Variants in SLC11A2 observed in about 807,000 individuals in gnomAD.
SLC11A2 encodes the protein solute carrier family 11 member 2, also known as natural resistance-associated macrophage protein 2.
SLC11A2 carries 38 observed loss-of-function variants against 68.0 expected under a neutral mutation model. That is an observed-to-expected ratio of 0.56 (90% CI 0.43 to 0.73). The LOEUF (loss-of-function observed/expected upper bound fraction) is 0.73. Ranked by LOEUF, SLC11A2 falls within the 30% of genes least tolerant of loss-of-function variation. The pLI is 0.00. For synonymous variants in SLC11A2, 242 were observed against 250.6 expected (o/e 0.97, Z 0.32); for missense variants, 517 against 690.5 (o/e 0.75, Z 2.82).
upstream of SLC11A2, among the ~76,000 whole-genome samples, chr12:51,027,961 C>T (rs561074330): frequency 6.7e-6 from 1 of 149,552 alleles, no homozygotes; most frequent in South Asian, 2.1e-4. Flanking sequence ...GGTTTTCATA[C>T]AGAATTTCTC....
intron 5 of SLC11A2, among the ~76,000 whole-genome samples, chr12:51,004,447 A>C (rs1327881210): frequency 6.6e-6 from 1 of 152,244 alleles, no homozygotes; most frequent in African/African-American, 2.4e-5. Context: ...ATGCAAACTG[A>C]TGGAGTAACA....
chr12:50,959,223 G>A, the SLC11A2 span, among the ~76,000 whole-genome samples: 12 of 151,724 alleles, frequency 7.9e-5, no homozygotes, highest in Admixed American at 5.2e-4. Flanking sequence ...GGGTTCAAGC[G>A]ATTCTCCTGC....
rs1465164637 is a variant in SLC11A2, at chr12:51,003,530, C to G, written c.429+1258G>C. On this transcript the variant is annotated intron_variant, in intron 5 of 15. Coordinates refer to ENST00000262052, the MANE Select transcript of SLC11A2 (RefSeq NM_000617.3). Reference sequence around the variant, plus strand: ...ACTGAACTCTGAACTCCAGCCTGGGCAACAGAGTGAGATTCTGTCTCAAAA... The same window carrying G: ...ACTGAACTCTGAACTCCAGCCTGGGGAACAGAGTGAGATTCTGTCTCAAAA... Among the ~76,000 whole-genome samples the G allele has an allele frequency of 2.0e-5, 3 of 148,218 alleles. No individual in the cohort carries two copies. In the South Asian group the frequency reaches 6.3e-4, roughly 31 times the overall value.
chr12:50,986,231 C>T lies in SLC11A2; in HGVS notation c.*2094G>A. The stretch of plus-strand genomic sequence containing the variant: ...CAATTGTATATCCTTAAACATTCCA[C>T]ATAAACACACTGTCAAAACTCACTG... On this transcript the variant is annotated 3_prime_UTR_variant, in exon 16 of 16. Coordinates refer to ENST00000262052, the MANE Select transcript of SLC11A2 (RefSeq NM_000617.3). 1 of 1,283,506 alleles carries T rather than the reference C, an allele frequency of 7.8e-7. No homozygotes were observed. Among genetic ancestry groups the T allele is most frequent in the Non-Finnish European group, 1.0e-6 (1 of 985,262 alleles). 79.5% of individuals were successfully genotyped at this position (1,283,506 alleles called of 1,614,324 possible).
intron 15 of SLC11A2, among the ~76,000 whole-genome samples, chr12:50,988,925 G>T (rs924930476): frequency 9.9e-5 from 15 of 151,882 alleles, no homozygotes; most frequent in Admixed American, 7.9e-4. Flanking sequence ...TATTTCTCAA[G>T]CTGGTCTGAA....
chr12:51,013,601 G>A (rs899877149), intron 1 of SLC11A2, among the ~76,000 whole-genome samples: 9 of 151,926 alleles, frequency 5.9e-5, no homozygotes, highest in African/African-American at 1.2e-4. Context: ...TCACCTGGGC[G>A]TGGTAGTGCA....
In SLC11A2 at chr12:50,992,806, G is replaced by T. The variant is rs761714409; in HGVS notation, c.1197+4C>A. 1 of 1,612,398 alleles carries T rather than the reference G, an allele frequency of 6.2e-7. No individual in the cohort carries two copies. Among genetic ancestry groups the T allele is most frequent in the African/African-American group, 1.3e-5 (1 of 74,608 alleles). ...ATCTCCCTCTATCCTATACCAGCAC[G>T]TACCTCCATGACAAACTGGCCAGAA... is the stretch of plus-strand genomic sequence containing the variant. On this transcript the variant is annotated splice_donor_region_variant and intron_variant, in intron 12 of 15. Coordinates refer to ENST00000262052, the MANE Select transcript of SLC11A2 (RefSeq NM_000617.3).
At chr12:50,952,864 G>A in the SLC11A2 span, among the ~76,000 whole-genome samples, 1 of 152,118 alleles carries the variant, frequency 6.6e-6, no homozygotes, top group Non-Finnish European at 1.5e-5. Context: ...CCAGTGTTGT[G>A]ACCCTGTGCC....
downstream of SLC11A2, among the ~76,000 whole-genome samples, chr12:50,984,786 C>T (rs11834310): frequency 6.7e-3 from 1,018 of 152,286 alleles, 18 homozygotes; most frequent in African/African-American, 0.023. Context: ...TACCAGTTGG[C>T]AACTTCTGCC....
intron 1 of SLC11A2, among the ~76,000 whole-genome samples, chr12:51,021,342 C>T (rs1327489007): frequency 1.3e-5 from 2 of 151,862 alleles, no homozygotes; most frequent in Non-Finnish European, 2.9e-5. Context: ...ACCACAATTT[C>T]GGGCCAGGCG....
In SLC11A2 at chr12:51,022,019, G is replaced by C. The variant is rs562796067; in HGVS notation, c.-39+4291C>G. On this transcript the variant is annotated intron_variant, in intron 1 of 15. Transcript: ENST00000262052. ...ACCTTCTCCCATCAGCACTCTTGAG[G>C]CTTAACCAGCTTCCAAATCTCCCTG... 1.3e-4 allele frequency among the ~76,000 whole-genome samples: 20 copies of C among 152,218 alleles called. 2 individuals are homozygous for C. The South Asian group carries it at 2.1e-3, about 16-fold the overall frequency.
At chr12:50,970,364 T>C in the SLC11A2 span, 1 of 804,740 alleles carries the variant, frequency 1.2e-6, no homozygotes. Context: ...GCTAGTTTCA[T>C]AAAAATACAA....
At position 50,992,822 on chromosome 12, in the gene SLC11A2, C is replaced by G; in HGVS notation, c.1185G>C (p.Gln395His). 6.2e-7 allele frequency: 1 copy of G among 1,611,916 alleles called. No homozygotes were observed. The highest frequency in any genetic ancestry group is 8.5e-7 in the Non-Finnish European group (1 of 1,178,782). Residue 395 changes from glutamine to histidine, a missense_variant, in exon 12 of 16, where the codon CAG becomes CAC. Gln to His is a conservative substitution (Grantham distance 24, BLOSUM62 0). Coordinates refer to ENST00000262052, the MANE Select transcript of SLC11A2 (RefSeq NM_000617.3). ...SSTMTGTYSG[Q>H]FVMEGFLNLK... is the part of the protein sequence containing the mutation. ...TACCAGCACGTACCTCCATGACAAACTGGCCAGAATAGGTTCCTGTCATGG... is the reference window on the plus strand; with the variant it reads ...TACCAGCACGTACCTCCATGACAAAGTGGCCAGAATAGGTTCCTGTCATGG...
At chr12:50,973,753 C>T in the SLC11A2 span, among the ~76,000 whole-genome samples, 9 of 152,138 alleles carry the variant, frequency 5.9e-5, no homozygotes, top group Admixed American at 3.9e-4. Flanking sequence ...AAAGATTAGA[C>T]GAATGGCTAA....
chr12:51,004,250 C>T (rs797017521), intron 5 of SLC11A2, among the ~76,000 whole-genome samples: 4 of 152,186 alleles, frequency 2.6e-5, no homozygotes, highest in South Asian at 4.1e-4. Context: ...CCTTAGGCAA[C>T]GGTAAGAAAG....
downstream of SLC11A2, among the ~76,000 whole-genome samples, chr12:50,984,187 G>A (rs1230309341): frequency 4.0e-5 from 6 of 151,674 alleles, no homozygotes; most frequent in African/African-American, 1.2e-4. Context: ...GTGAGTCTTC[G>A]ACACATATAT....
In SLC11A2 at chr12:50,987,779, C is replaced by T. The variant is rs193030246; in HGVS notation, c.*546G>A. The stretch of plus-strand genomic sequence containing the variant: ...GAAATAAGTTCAAAGAATCCTAAGC[C>T]TGATAGAGCTAGGTGTCTCTTCATT... On this transcript the variant is annotated 3_prime_UTR_variant, in exon 16 of 16. Coordinates refer to ENST00000262052, the MANE Select transcript of SLC11A2 (RefSeq NM_000617.3). 1.8e-3 allele frequency: 2,277 copies of T among 1,285,428 alleles called. 15 individuals are homozygous for T. In the Middle Eastern group the frequency reaches 0.029, roughly 16 times the overall value. The allele number at this position is 1,285,428 out of a possible 1,614,324, so 79.6% of individuals were successfully genotyped here. A position where few individuals can be genotyped will look rare whatever the true frequency, so the allele number is the denominator to read the frequency against.
chr12:50,992,172 C>T lies in SLC11A2; in HGVS notation c.1347+18G>A, dbSNP rs770050112. ...CTACCTGAATAACTAGGATGTGTTT[C>T]CTCAGCTTCCTCCTCACCTGTAAGC... On this transcript the variant is annotated intron_variant, in intron 13 of 15. Transcript: ENST00000262052. 1.2e-6 allele frequency: 2 copies of T among 1,613,350 alleles called. No individual in the cohort carries two copies. Among genetic ancestry groups the T allele is most frequent in the Non-Finnish European group, 1.7e-6 (2 of 1,179,462 alleles).
chr12:51,024,419 A>AC (rs1463994205), intron 1 of SLC11A2: 2 of 152,214 alleles, frequency 1.3e-5, no homozygotes, highest in African/African-American at 4.8e-5. Context: ...GGTGGCTCAC[A>AC]CCACCCCAGC....
Sources: gnomAD v4.1 joint callset for allele counts (sites outside exome capture counted in the v4.1 genomes callset) on GRCh38, gnomAD v4.1.1 for gene constraint, MANE v1.5 for transcripts, NCBI Gene and HGNC (gene_info 2026-07-23, HGNC 2026-07-21) for gene names.